Variants in PKIB observed in about 807,000 individuals in gnomAD.
The protein encoded by PKIB is PKI-beta.
In PKIB, 2 loss-of-function variants were observed where a neutral mutation model predicts 4.5. The observed-to-expected ratio is 0.44, with a 90% CI of 0.18 to 1.39. The LOEUF is 1.39. Ranked by LOEUF, PKIB falls within the 40% of genes most tolerant of loss-of-function variation. PKIB has a pLI of 0.27. For missense variants in PKIB, 94 were observed against 92.6 expected, an observed-to-expected ratio of 1.02 and a Z score of -0.06; for synonymous variants, 38 against 36.0, an observed-to-expected ratio of 1.06 and a Z score of -0.20.
chr6:122,553,478 CTTCTT>C (rs548187624), intron 2 of PKIB, among the ~76,000 whole-genome samples: 12,952 of 48,684 alleles, frequency 0.27, 833 homozygotes, highest in East Asian at 0.35. Flanking sequence ...GCTCAAATAT[CTTCTT>C]TTTTTTTTTT....
chr6:122,715,234 G>A (rs546165649), intron 3 of PKIB, among the ~76,000 whole-genome samples: 263 of 151,184 alleles, frequency 1.7e-3, no homozygotes, highest in Non-Finnish European at 2.9e-3. Flanking sequence ...ATTTAAGATC[G>A]CATATCTTAA....
At chr6:122,724,505 A>G (rs563094592) in intron 4 of PKIB, among the ~76,000 whole-genome samples, 3 of 152,276 alleles carry the variant, frequency 2.0e-5, no homozygotes, top group African/African-American at 7.2e-5. Context: ...TTCATTTTGC[A>G]CTGGGCACCA....
At chr6:122,669,372 CT>C (rs1777357674) in intron 2 of PKIB, among the ~76,000 whole-genome samples, 2 of 152,084 alleles carry the variant, frequency 1.3e-5, no homozygotes, top group Non-Finnish European at 2.9e-5. Context: ...ATTAGATTCC[CT>C]TTAAATTTGT....
chr6:122,666,018 G>C (rs377181182), intron 2 of PKIB, among the ~76,000 whole-genome samples: 1 of 152,154 alleles, frequency 6.6e-6, no homozygotes, highest in South Asian at 2.1e-4. Flanking sequence ...TGAAGTGGAA[G>C]TTTTATTTCC....
At chr6:122,638,641 C>A (rs1209721200) in intron 2 of PKIB, among the ~76,000 whole-genome samples, 1 of 152,196 alleles carries the variant, frequency 6.6e-6, no homozygotes. Flanking sequence ...CTTCTAACCC[C>A]GATCATTTTC....
At chr6:122,606,801 T>A (rs536327272), upstream of PKIB, among the ~76,000 whole-genome samples, 11 of 152,172 alleles carry the variant, frequency 7.2e-5, no homozygotes, top group East Asian at 7.7e-4. Context: ...GTAACTACTG[T>A]CCACTTCTTC....
intron 2 of PKIB, among the ~76,000 whole-genome samples, chr6:122,498,272 G>T (rs145993323): frequency 0.012 from 1,820 of 152,308 alleles, 43 homozygotes; most frequent in African/African-American, 0.042. Flanking sequence ...GACAAGGGAA[G>T]AGAGCTTGCG....
chr6:122,625,562 T>C (rs1252149971), intron 1 of PKIB, among the ~76,000 whole-genome samples: 1 of 152,062 alleles, frequency 6.6e-6, no homozygotes, highest in Non-Finnish European at 1.5e-5. Context: ...CGATTGAACC[T>C]GAGAGGCGGA....
intron 3 of PKIB, among the ~76,000 whole-genome samples, chr6:122,685,395 C>A (rs930629435): frequency 6.6e-6 from 1 of 152,112 alleles, no homozygotes; most frequent in Non-Finnish European, 1.5e-5. Flanking sequence ...ATAAACACAG[C>A]AGCAAAATGC....
intron 2 of PKIB, among the ~76,000 whole-genome samples, chr6:122,576,928 A>T (rs1483999473): frequency 6.6e-6 from 1 of 151,940 alleles, no homozygotes; most frequent in Non-Finnish European, 1.5e-5. Flanking sequence ...ACATTTTAAC[A>T]TGGTGGATCT....
chr6:122,702,318 TA>T (rs1358438528), intron 3 of PKIB, among the ~76,000 whole-genome samples: 3 of 137,720 alleles, frequency 2.2e-5, no homozygotes, highest in African/African-American at 8.0e-5. Flanking sequence ...GGTAATTTTT[TA>T]AAAAAACTTT....
rs191526384 is a variant in PKIB, at chr6:122,587,029, T to G, written c.-161+1022T>G. On this transcript the variant is annotated intron_variant, in intron 3 of 6. Coordinates refer to the PKIB transcript ENST00000392491. Reference sequence around the variant, plus strand: ...AAAACAAACTAAATAAGCAATGTGGTTTTTTTTTTATTGTACTTTAAGTTT... The same window carrying G: ...AAAACAAACTAAATAAGCAATGTGGGTTTTTTTTTATTGTACTTTAAGTTT... 6.2e-5 allele frequency among the ~76,000 whole-genome samples: 9 copies of G among 145,224 alleles called. No homozygotes were observed. The East Asian group carries it at 1.2e-3, about 19-fold the overall frequency.
At position 122,675,425 on chromosome 6, in the gene PKIB, G is replaced by A. The variant is rs934237104; in HGVS notation, c.-9+281G>A. ...CTTTGATGATGTCTTTTTCATTATC[G>A]TTTTTCCTTTTGTGAAGATACATGT... On this transcript the variant is annotated intron_variant, in intron 3 of 4. Transcript: ENST00000368452. 8.6e-5 allele frequency among the ~76,000 whole-genome samples: 13 copies of A among 151,956 alleles called. No homozygotes were observed. The East Asian group carries it at 1.2e-3, about 14-fold the overall frequency.
Position 122,725,279 on chromosome 6 carries a change from G to A in PKIB, c.*84G>A. On this transcript the variant is annotated 3_prime_UTR_variant, in exon 5 of 5. Coordinates refer to ENST00000368452, the MANE Select transcript of PKIB (RefSeq NM_181795.3). ...GTTTTCTTGAGACATTTAATCTGGT[G>A]GTAACTGTGGTAACATTGCAGCCCT... is the stretch of plus-strand genomic sequence containing the variant. 9.5e-7 allele frequency: 1 copy of A among 1,057,092 alleles called. No homozygotes were observed. Among genetic ancestry groups the A allele is most frequent in the Non-Finnish European group, 1.4e-6 (1 of 709,986 alleles). 65.5% of individuals were successfully genotyped at this position (1,057,092 alleles called of 1,614,324 possible). A position where few individuals can be genotyped will look rare whatever the true frequency, so the allele number is the denominator to read the frequency against.
chr6:122,598,805 C>CT (rs201833174), intron 3 of PKIB, among the ~76,000 whole-genome samples: 206 of 152,080 alleles, frequency 1.4e-3, no homozygotes, highest in African/African-American at 4.7e-3. Context: ...CTATTATAAT[C>CT]TTTTTTTTAA....
chr6:122,551,874 C>CTT (rs61025863), intron 2 of PKIB, among the ~76,000 whole-genome samples: 32 of 87,496 alleles, frequency 3.7e-4, no homozygotes, highest in African/African-American at 8.9e-4. Context: ...CTTAGTACAT[C>CTT]TTTTTTTTTT....
chr6:122,694,449 C>T (rs1778479489), intron 3 of PKIB, among the ~76,000 whole-genome samples: 1 of 152,128 alleles, frequency 6.6e-6, no homozygotes. Flanking sequence ...CTCCCCATCT[C>T]CCACGTTAAG....
chr6:122,591,000 T>G (rs940300883), intron 3 of PKIB, among the ~76,000 whole-genome samples: 4 of 152,064 alleles, frequency 2.6e-5, no homozygotes, highest in Non-Finnish European at 5.9e-5. Context: ...TGGAGTATCT[T>G]TCACGAGTTT....
intron 3 of PKIB, among the ~76,000 whole-genome samples, chr6:122,715,514 G>T (rs895125771): frequency 2.6e-5 from 4 of 151,652 alleles, no homozygotes; most frequent in Non-Finnish European, 5.9e-5. Context: ...ATGTACCATG[G>T]GAGGGCTCAC....
Sources: gnomAD v4.1 joint callset for allele counts (sites outside exome capture counted in the v4.1 genomes callset) on GRCh38, gnomAD v4.1.1 for gene constraint, MANE v1.5 for transcripts, NCBI Gene and HGNC (gene_info 2026-07-23, HGNC 2026-07-21) for gene names.